The following ZNF282 variants were observed in gnomAD, a reference collection of about 807,000 sequenced individuals.
ZNF282 encodes HTLV-I U5 repressive element-binding protein 1.
Under a neutral mutation model 61.9 loss-of-function variants are expected in ZNF282, and 30 were observed. The observed-to-expected ratio is 0.48, with a 90% CI of 0.36 to 0.66. The LOEUF (loss-of-function observed/expected upper bound fraction) is 0.66. Ranked by LOEUF, ZNF282 falls within the 30% of genes least tolerant of loss-of-function variation. ZNF282 has a pLI of 0.00. For missense variants in ZNF282, 788 were observed against 941.4 expected (o/e 0.84, Z 2.13); for synonymous variants, 396 against 405.0 (o/e 0.98, Z 0.27).
Position 149,213,817 on chromosome 7 carries a change from G to T in ZNF282, c.1180+3G>T. On this transcript the variant is annotated splice_donor_region_variant and intron_variant, in intron 7 of 7. Coordinates refer to ENST00000610704, the MANE Select transcript of ZNF282 (RefSeq NM_003575.4). ...GCTTGGATTAGACTCTGGCCCTAGT[G>T]AGTAACGTCCCCACCTAGACCCTGG... 1.2e-6 allele frequency: 2 copies of T among 1,609,878 alleles called. No homozygotes were observed. Among genetic ancestry groups the T allele is most frequent in the Non-Finnish European group, 1.7e-6 (2 of 1,176,580 alleles).
Position 149,195,569 on chromosome 7 carries a change from G to C in ZNF282, c.-21G>C. The stretch of plus-strand genomic sequence containing the variant: ...TTCTTCTTCTCCCTGGCCGACCCGA[G>C]CGGGGAACAGCACTCCCAGGATGCA... On this transcript the variant is annotated 5_prime_UTR_variant, in exon 1 of 8. Coordinates refer to ENST00000610704, the MANE Select transcript of ZNF282 (RefSeq NM_003575.4). The C allele has an allele frequency of 1.2e-6, 2 of 1,607,346 alleles. No individual in the cohort carries two copies. The highest frequency in any genetic ancestry group is 1.7e-6 in the Non-Finnish European group (2 of 1,177,418).
intron 4 of ZNF282, among the ~76,000 whole-genome samples, chr7:149,207,901 A>G (rs1394217554): frequency 6.6e-6 from 1 of 152,170 alleles, no homozygotes; most frequent in Non-Finnish European, 1.5e-5. Flanking sequence ...CGGCCGACAC[A>G]TGCGGCTCAC....
At chr7:149,219,762 G>A (rs181204124) in intron 7 of ZNF282, among the ~76,000 whole-genome samples, 1 of 152,098 alleles carries the variant, frequency 6.6e-6, no homozygotes, top group South Asian at 2.1e-4. Context: ...CAAGAGAATC[G>A]CTTGAACCTG....
rs760375749 is a variant in ZNF282, at chr7:149,198,366, A to G, written c.199A>G (p.Met67Val). The G allele has an allele frequency of 2.5e-6, 4 of 1,613,402 alleles. No homozygotes were observed. Among genetic ancestry groups the G allele is most frequent in the East Asian group, 2.2e-5 (1 of 44,878 alleles). Residue 67 changes from methionine to valine, a missense_variant, in exon 2 of 8, where the codon ATG becomes GTG. By Grantham distance (21) the Met-to-Val change is conservative. Transcript: ENST00000610704. This position sits in a 1 kb window ranked among gnomAD's most constrained non-coding sequence, Gnocchi z 4.3. ...QEWDMDARRP[M>V]PFQFPPFPDR... is the part of the protein sequence containing the mutation. ...ATGGGACATGGACGCCCGGCGGCCAATGCCTTTTCAGTTCCCACCCTTTCC... is the reference window on the plus strand; with the variant it reads ...ATGGGACATGGACGCCCGGCGGCCAGTGCCTTTTCAGTTCCCACCCTTTCC...
intron 7 of ZNF282, among the ~76,000 whole-genome samples, chr7:149,215,328 G>A (rs551880408): frequency 1.3e-4 from 19 of 148,050 alleles, no homozygotes; most frequent in Non-Finnish European, 2.5e-4. Flanking sequence ...TCAGCCTCCC[G>A]AGTAGCTGGG....
Position 149,224,955 on chromosome 7 carries a change from G to A in ZNF282, c.*308G>A, listed in dbSNP as rs1205842663. The A allele has an allele frequency of 2.5e-6, 1 of 392,750 alleles. No individual in the cohort carries two copies. The highest frequency in any genetic ancestry group is 4.6e-6 in the Non-Finnish European group (1 of 217,472). The allele number at this position is 392,750 out of a possible 1,614,324, so 24.3% of individuals were successfully genotyped here. A position where few individuals can be genotyped will look rare whatever the true frequency, so the allele number is the denominator to read the frequency against. ...ACCACTGGGCCACAGATGGTCATCA[G>A]GGGAAGCCACCAGGGAGTCCCGAAG... On this transcript the variant is annotated 3_prime_UTR_variant, in exon 8 of 8. Coordinates refer to ENST00000610704, the MANE Select transcript of ZNF282 (RefSeq NM_003575.4).
chr7:149,216,501 A>G (rs935733840), intron 7 of ZNF282, among the ~76,000 whole-genome samples: 6 of 152,232 alleles, frequency 3.9e-5, no homozygotes, highest in African/African-American at 1.2e-4. Context: ...TTGCCTGCCA[A>G]GTCACGACAG....
intron 2 of ZNF282, among the ~76,000 whole-genome samples, chr7:149,200,363 G>T (rs1213014832): frequency 6.6e-6 from 1 of 152,176 alleles, no homozygotes; most frequent in East Asian, 1.9e-4. Context: ...GCAGCATTGT[G>T]TGTAGGTGAC....
rs1018108016 is a variant in ZNF282 at position 149,225,849 on chromosome 7, TC to T, written c.*1203del. ...CGGGAAGCGCCCAAAGGATTCCCCT[TC>T]ACGTTGGTGCACCTGCTCCATAGCT... On this transcript the variant is annotated 3_prime_UTR_variant, in exon 8 of 8. Coordinates refer to ENST00000610704, the MANE Select transcript of ZNF282 (RefSeq NM_003575.4). 6.5e-5 allele frequency: 10 copies of T among 152,704 alleles called. No homozygotes were observed. Among genetic ancestry groups the T allele is most frequent in the Non-Finnish European group, 1.2e-4 (8 of 68,106 alleles). 9.5% of individuals were successfully genotyped at this position (152,704 alleles called of 1,614,324 possible).
chr7:149,205,664 A>C (rs1416977932), intron 2 of ZNF282, among the ~76,000 whole-genome samples: 1 of 152,160 alleles, frequency 6.6e-6, no homozygotes, highest in Non-Finnish European at 1.5e-5. Context: ...ACCTGGTAAA[A>C]GGGCTGACAT....
At chr7:149,197,118 C>A (rs1795830632) in intron 1 of ZNF282, among the ~76,000 whole-genome samples, 1 of 152,210 alleles carries the variant, frequency 6.6e-6, no homozygotes, top group Non-Finnish European at 1.5e-5. Flanking sequence ...CCTCAACCAG[C>A]CCCCCTTAGC....
At chr7:149,223,737 G>T in intron 7 of ZNF282, 75 bp from the exon 8 acceptor site, 3 of 1,366,596 alleles carry the variant, frequency 2.2e-6, no homozygotes, top group Non-Finnish European at 2.8e-6. Flanking sequence ...ATGCTCCCTG[G>T]GCCCCCCTTC....
intron 7 of ZNF282, among the ~76,000 whole-genome samples, chr7:149,216,631 T>C (rs1796163799): frequency 1.3e-5 from 2 of 152,196 alleles, no homozygotes; most frequent in Admixed American, 1.3e-4. Context: ...CAACCTAGTA[T>C]TGTGGTTGCC....
At position 149,198,243 on chromosome 7, in the gene ZNF282, C is replaced by T; in HGVS notation, c.166-90C>T. On this transcript the variant is annotated intron_variant, in intron 1 of 7. Transcript: ENST00000610704. This position sits in a 1 kb window ranked among gnomAD's most constrained non-coding sequence, Gnocchi z 4.3. ...CTGGCAGAAGAAAGACGACATGTAG[C>T]ATCTGATTAGTTGACCCCTGTTCCC... 2.8e-6 allele frequency: 4 copies of T among 1,431,608 alleles called. No individual in the cohort carries two copies. Among genetic ancestry groups the T allele is most frequent in the Non-Finnish European group, 3.8e-6 (4 of 1,056,492 alleles). 88.7% of individuals were successfully genotyped at this position (1,431,608 alleles called of 1,614,324 possible). A position where few individuals can be genotyped will look rare whatever the true frequency, so the allele number is the denominator to read the frequency against.
intron 7 of ZNF282, among the ~76,000 whole-genome samples, chr7:149,220,232 C>A (rs1235780294): frequency 6.6e-6 from 1 of 152,056 alleles, no homozygotes; most frequent in Non-Finnish European, 1.5e-5. Context: ...CACGGTGAAA[C>A]CCCGTCTCTA....
intron 2 of ZNF282, among the ~76,000 whole-genome samples, chr7:149,200,184 G>A (rs1475089965): frequency 1.3e-5 from 2 of 152,040 alleles, no homozygotes; most frequent in African/African-American, 2.4e-5. Flanking sequence ...CACTGATTAC[G>A]TCCCCTGTGG....
chr7:149,212,595 C>T (rs1202425), intron 6 of ZNF282, 124 bp downstream of exon 6: 721,879 of 822,338 alleles, frequency 0.88, 319,242 homozygotes, highest in East Asian at 0.97. Flanking sequence ...ATTTTTTGTT[C>T]TTTGAGACGG....
In ZNF282 at chr7:149,201,380, C is replaced by A. The variant is rs192211404; in HGVS notation, c.585+2628C>A. Among the ~76,000 whole-genome samples the A allele has an allele frequency of 2.6e-5, 4 of 152,292 alleles. No homozygotes were observed. In the South Asian group the frequency reaches 6.2e-4, roughly 24 times the overall value. ...CTCATTGTCTTCATCCTTGTCCCCC[C>A]ACCCATACAGTCTATCTCAACACAG... On this transcript the variant is annotated intron_variant, in intron 2 of 7. Coordinates refer to ENST00000610704, the MANE Select transcript of ZNF282 (RefSeq NM_003575.4).
At chr7:149,220,045 G>A (rs765433816) in intron 7 of ZNF282, among the ~76,000 whole-genome samples, 3 of 152,092 alleles carry the variant, frequency 2.0e-5, no homozygotes, top group Admixed American at 1.3e-4. Flanking sequence ...TTTTAAGGTC[G>A]GAGATAACTA....
Sources: allele counts gnomAD v4.1 joint callset (sites outside exome capture counted in the v4.1 genomes callset), GRCh38; gene constraint gnomAD v4.1.1; non-coding constraint Gnocchi (gnomAD v3.1); transcripts MANE v1.5; gene names NCBI Gene and HGNC (gene_info 2026-07-23, HGNC 2026-07-21).